ANO10: variants seen among roughly 807,000 people sequenced by gnomAD.
ANO10 encodes the protein anoctamin-10.
Under a neutral mutation model 74.7 loss-of-function variants are expected in ANO10, and 77 were observed. The ratio of observed to expected loss-of-function variants is 1.03; its 90% CI spans 0.86 to 1.25. The LOEUF is 1.25. Among genes scored for constraint, ANO10 ranks in the 50% most tolerant of loss-of-function variants. The pLI is 0.00. For synonymous variants in ANO10, 279 were observed against 284.9 expected, an observed-to-expected ratio of 0.98 and a Z score of 0.21; for missense variants, 721 against 778.1, an observed-to-expected ratio of 0.93 and a Z score of 0.87.
At chr3:43,420,208 G>A (rs2092798927) in intron 12 of ANO10, among the ~76,000 whole-genome samples, 1 of 152,224 alleles carries the variant, frequency 6.6e-6, no homozygotes, top group Non-Finnish European at 1.5e-5. Flanking sequence ...CACTTTGAGA[G>A]GCTGAGGAGG....
intron 1 of ANO10, among the ~76,000 whole-genome samples, chr3:43,684,839 C>A (rs2084253217): frequency 6.6e-6 from 1 of 152,116 alleles, no homozygotes; most frequent in South Asian, 2.1e-4. Flanking sequence ...GGACAAAAAA[C>A]CAAACACCGC....
chr3:43,585,798 G>C (rs2081456272), intron 4 of ANO10, among the ~76,000 whole-genome samples: 1 of 152,154 alleles, frequency 6.6e-6, no homozygotes, highest in Non-Finnish European at 1.5e-5. Flanking sequence ...GATTAAGAAA[G>C]ATTCAAAAAT....
intron 11 of ANO10, among the ~76,000 whole-genome samples, chr3:43,513,040 T>C (rs2077569601): frequency 6.6e-6 from 1 of 152,168 alleles, no homozygotes; most frequent in African/African-American, 2.4e-5. Flanking sequence ...AAGACAGAGC[T>C]GCAGAGCAAC....
chr3:43,412,649 C>T (rs2092683233), intron 12 of ANO10, among the ~76,000 whole-genome samples: 1 of 152,194 alleles, frequency 6.6e-6, no homozygotes, highest in Non-Finnish European at 1.5e-5. Context: ...AAGAAACAAA[C>T]TCTGTATTCC....
At chr3:43,593,012 G>C (rs1464921586) in intron 4 of ANO10, among the ~76,000 whole-genome samples, 1 of 152,192 alleles carries the variant, frequency 6.6e-6, no homozygotes, top group African/African-American at 2.4e-5. Flanking sequence ...GGGTATCAGT[G>C]ATTGAAGATC....
At chr3:43,486,711 A>G (rs1377432338) in intron 11 of ANO10, among the ~76,000 whole-genome samples, 2 of 150,984 alleles carry the variant, frequency 1.3e-5, no homozygotes, top group African/African-American at 4.9e-5. Flanking sequence ...GGGCTGAGAC[A>G]ATGGGGTTTT....
chr3:43,378,183 A>C (rs2091863301), intron 12 of ANO10, among the ~76,000 whole-genome samples: 1 of 152,260 alleles, frequency 6.6e-6, no homozygotes, highest in African/African-American at 2.4e-5. Flanking sequence ...CTTTAATCTA[A>C]GAAAACACTG....
At chr3:43,489,042 A>C (rs986499961) in intron 11 of ANO10, among the ~76,000 whole-genome samples, 3 of 151,610 alleles carry the variant, frequency 2.0e-5, no homozygotes, top group Admixed American at 6.6e-5. Flanking sequence ...AAATTGGAAA[A>C]CATCATTCTC....
At chr3:43,543,887 A>C (rs1196136851) in intron 11 of ANO10, among the ~76,000 whole-genome samples, 1 of 152,224 alleles carries the variant, frequency 6.6e-6, no homozygotes, top group African/African-American at 2.4e-5. Context: ...ACTCGTCTTC[A>C]CCTTAGAAAA....
chr3:43,425,389 C>T (rs1045690305), intron 12 of ANO10, among the ~76,000 whole-genome samples: 16 of 151,152 alleles, frequency 1.1e-4, no homozygotes, highest in Admixed American at 8.6e-4. Context: ...GAAGTTCTTA[C>T]GAAATGTTGA....
At chr3:43,462,771 G>C (rs552591813) in intron 11 of ANO10, among the ~76,000 whole-genome samples, 2 of 152,320 alleles carry the variant, frequency 1.3e-5, no homozygotes, top group African/African-American at 4.8e-5. Flanking sequence ...AGGAAAAAGC[G>C]GTTTTGTGGG....
At chr3:43,458,832 G>C (rs534326766) in intron 11 of ANO10, among the ~76,000 whole-genome samples, 1 of 152,066 alleles carries the variant, frequency 6.6e-6, no homozygotes, top group Non-Finnish European at 1.5e-5. Flanking sequence ...GGACAGGCCC[G>C]GGTGTGTGAT....
At chr3:43,534,809 A>G (rs1194994358) in intron 11 of ANO10, among the ~76,000 whole-genome samples, 1 of 152,140 alleles carries the variant, frequency 6.6e-6, no homozygotes, top group African/African-American at 2.4e-5. Context: ...TGTCTTAAGG[A>G]GGAGAGAACC....
intron 1 of ANO10, among the ~76,000 whole-genome samples, chr3:43,688,845 G>GAA (rs112066091): frequency 8.8e-6 from 1 of 113,144 alleles, no homozygotes. Context: ...CTCCGTCTTA[G>GAA]AAAAAAAAAA....
chr3:43,664,742 G>A (rs1414025268), intron 1 of ANO10, among the ~76,000 whole-genome samples: 2 of 152,130 alleles, frequency 1.3e-5, no homozygotes, highest in East Asian at 1.9e-4. Flanking sequence ...CTTCTCAAAA[G>A]AAGATATTTA....
At chr3:43,438,651 G>A (rs1341749673) in intron 11 of ANO10, among the ~76,000 whole-genome samples, 1 of 152,028 alleles carries the variant, frequency 6.6e-6, no homozygotes, top group Non-Finnish European at 1.5e-5. Flanking sequence ...GGAAGCTGAT[G>A]CAGGAGAATT....
intron 1 of ANO10, among the ~76,000 whole-genome samples, chr3:43,638,150 T>C (rs2149562305): frequency 6.6e-6 from 1 of 152,338 alleles, no homozygotes; most frequent in Admixed American, 6.5e-5. Flanking sequence ...GACAGAAATG[T>C]ATAAATGGTC....
chr3:43,566,522 C>T, intron 7 of ANO10, among the ~76,000 whole-genome samples: 1 of 151,726 alleles, frequency 6.6e-6, no homozygotes, highest in Non-Finnish European at 1.5e-5. Flanking sequence ...AAGTGGGTCC[C>T]TGACCCCTGA....
chr3:43,480,952 A>G (rs1012068962), intron 11 of ANO10, among the ~76,000 whole-genome samples: 2 of 46,316 alleles, frequency 4.3e-5, no homozygotes, highest in Non-Finnish European at 1.1e-4. Flanking sequence ...GCATAATAAT[A>G]CAACCACTAC....
Sources: allele counts gnomAD v4.1 joint callset (sites outside exome capture counted in the v4.1 genomes callset), GRCh38; gene constraint gnomAD v4.1.1; transcripts MANE v1.5; gene names NCBI Gene and HGNC (gene_info 2026-07-23, HGNC 2026-07-21).